Variants in KCNIP1 observed in about 807,000 individuals in gnomAD.
KCNIP1 encodes the protein potassium voltage-gated channel interacting protein 1, also known as A-type potassium channel modulatory protein KCNIP1.
A neutral mutation model predicts 33.0 loss-of-function variants in KCNIP1; 18 were observed. The observed-to-expected ratio is 0.55, with a 90% confidence interval of 0.38 to 0.81. KCNIP1 has a LOEUF of 0.81. Among genes scored for constraint, KCNIP1 ranks in the 30% least tolerant of loss-of-function variants. The pLI, the probability that KCNIP1 is intolerant of heterozygous loss-of-function variation, is 0.00. For missense variants in KCNIP1, 238 were observed against 271.6 expected, an observed-to-expected ratio of 0.88 and a Z score of 0.87; for synonymous variants, 93 against 98.3, an observed-to-expected ratio of 0.95 and a Z score of 0.32.
chr5:170,367,047 G>A (rs919192265), intron 1 of KCNIP1, among the ~76,000 whole-genome samples: 5 of 152,230 alleles, frequency 3.3e-5, no homozygotes, highest in South Asian at 2.1e-4. Context: ...AGTCTGGCAC[G>A]GTGGCTCACG....
intron 1 of KCNIP1, among the ~76,000 whole-genome samples, chr5:170,547,676 C>T (rs773195714): frequency 1.3e-5 from 2 of 152,164 alleles, no homozygotes; most frequent in African/African-American, 2.4e-5. Flanking sequence ...CCTCCAGCTC[C>T]ATCCATGTTC....
At chr5:170,573,362 T>A (rs1342655185) in intron 1 of KCNIP1, among the ~76,000 whole-genome samples, 1 of 152,206 alleles carries the variant, frequency 6.6e-6, no homozygotes, top group Non-Finnish European at 1.5e-5. Flanking sequence ...ATGGTTGCTC[T>A]CCAGGAATGT....
intron 1 of KCNIP1, among the ~76,000 whole-genome samples, chr5:170,374,203 A>G (rs1183245655): frequency 2.0e-5 from 3 of 152,200 alleles, no homozygotes; most frequent in Non-Finnish European, 4.4e-5. Context: ...GTCACAGAAA[A>G]TAAGATTATA....
intron 1 of KCNIP1, among the ~76,000 whole-genome samples, chr5:170,432,825 G>A (rs1452401921): frequency 6.6e-6 from 1 of 152,182 alleles, no homozygotes; most frequent in African/African-American, 2.4e-5. Flanking sequence ...AAACTGTCTA[G>A]TGAGGGTGAC....
At chr5:170,636,017 G>A (rs538865496) in intron 1 of KCNIP1, among the ~76,000 whole-genome samples, 8 of 152,248 alleles carry the variant, frequency 5.3e-5, no homozygotes, top group Non-Finnish European at 1.0e-4. Context: ...AGTTCTCCCA[G>A]ATGTGACTCC....
In KCNIP1 at chr5:170,703,039, G is replaced by A. The variant is rs1022318430; in HGVS notation, c.62-15719G>A. ...AAAGTATAAGGCTGAAATGTACTGG[G>A]CTCAGAACCTATAGGTCTGTTCCAT... On this transcript the variant is annotated intron_variant, in intron 1 of 7. Coordinates refer to ENST00000328939, the MANE Select transcript of KCNIP1 (RefSeq NM_014592.4). Among the ~76,000 whole-genome samples, 3 of 138,042 alleles carry A rather than the reference G, an allele frequency of 2.2e-5. 1 individual carries two copies. In the Admixed American group the frequency reaches 2.4e-4, roughly 11 times the overall value. 90.6% of individuals were successfully genotyped at this position (138,042 alleles called of 152,430 possible).
At chr5:170,469,485 C>T (rs1756676493) in intron 1 of KCNIP1, among the ~76,000 whole-genome samples, 1 of 152,234 alleles carries the variant, frequency 6.6e-6, no homozygotes, top group Non-Finnish European at 1.5e-5. Flanking sequence ...CTCCCTTCCT[C>T]ATCGCCTTTG....
intron 1 of KCNIP1, chr5:170,679,121 A>G (rs2113789411): frequency 6.6e-6 from 1 of 152,308 alleles, no homozygotes; most frequent in Non-Finnish European, 1.5e-5. Flanking sequence ...TGGGATCTGG[A>G]ATGGTAGCGT....
At chr5:170,635,601 T>A (rs1475093553) in intron 1 of KCNIP1, among the ~76,000 whole-genome samples, 1 of 152,246 alleles carries the variant, frequency 6.6e-6, no homozygotes, top group Non-Finnish European at 1.5e-5. Flanking sequence ...TTTCATTTAT[T>A]GCTAAAGGTT....
chr5:170,542,340 C>T (rs1048336140), intron 1 of KCNIP1, among the ~76,000 whole-genome samples: 1 of 152,176 alleles, frequency 6.6e-6, no homozygotes, highest in Non-Finnish European at 1.5e-5. Context: ...TGGCACTGGG[C>T]AGGTTCATCA....
chr5:170,518,527 A>G (rs892886448), intron 1 of KCNIP1, among the ~76,000 whole-genome samples: 8 of 152,244 alleles, frequency 5.3e-5, no homozygotes, highest in Admixed American at 3.3e-4. Flanking sequence ...GAAGGGATGA[A>G]CTTGCAGAAA....
At chr5:170,541,083 A>G (rs1437605893) in intron 1 of KCNIP1, among the ~76,000 whole-genome samples, 1 of 152,216 alleles carries the variant, frequency 6.6e-6, no homozygotes, top group African/African-American at 2.4e-5. Context: ...GCTATGAAGT[A>G]TGAGCTTGAT....
chr5:170,483,166 C>A, intron 1 of KCNIP1: 1 of 420,988 alleles, frequency 2.4e-6, no homozygotes, highest in Non-Finnish European at 4.7e-6. Flanking sequence ...CTCACTCGCC[C>A]TGCCTCTCAT....
intron 1 of KCNIP1, among the ~76,000 whole-genome samples, chr5:170,569,266 C>G (rs1001158403): frequency 6.6e-6 from 1 of 152,248 alleles, no homozygotes; most frequent in Non-Finnish European, 1.5e-5. Flanking sequence ...TGACCCAGGT[C>G]GATGGAGCTC....
At chr5:170,361,180 T>A (rs1763503386) in intron 1 of KCNIP1, among the ~76,000 whole-genome samples, 1 of 152,206 alleles carries the variant, frequency 6.6e-6, no homozygotes, top group Admixed American at 6.5e-5. Context: ...GTTGTCCACC[T>A]GCACCCCACC....
chr5:170,407,436 A>G (rs11954140), intron 1 of KCNIP1, among the ~76,000 whole-genome samples: 10,768 of 152,276 alleles, frequency 0.071, 999 homozygotes, highest in African/African-American at 0.21. Flanking sequence ...CCATAAGTGT[A>G]ACAAAAAAAT....
chr5:170,514,914 G>A (rs922466862), intron 1 of KCNIP1, among the ~76,000 whole-genome samples: 4 of 152,162 alleles, frequency 2.6e-5, no homozygotes, highest in African/African-American at 7.2e-5. Context: ...CACTCTAAGC[G>A]CTTTCGGTAC....
In KCNIP1 at chr5:170,565,542, A is replaced by C. The variant is rs371581841; in HGVS notation, c.61+60909A>C. On this transcript the variant is annotated intron_variant, in intron 1 of 7. Transcript: ENST00000328939. The stretch of plus-strand genomic sequence containing the variant: ...CACTCACAGTTTCTATTTATTACCC[A>C]AAAAAATACATAAGGAAAAATACCT... 3.2e-3 allele frequency among the ~76,000 whole-genome samples: 483 copies of C among 152,298 alleles called. 2 individuals carry two copies. Among genetic ancestry groups the C allele is most frequent in the Non-Finnish European group, 5.9e-3 (401 of 68,020 alleles).
intron 1 of KCNIP1, among the ~76,000 whole-genome samples, chr5:170,445,739 C>G (rs928264224): frequency 6.6e-6 from 1 of 152,198 alleles, no homozygotes; most frequent in African/African-American, 2.4e-5. Context: ...TCTCACTATC[C>G]CCCGCTCCCT....
Sources: allele counts gnomAD v4.1 joint callset (sites outside exome capture counted in the v4.1 genomes callset), GRCh38; gene constraint gnomAD v4.1.1; transcripts MANE v1.5; gene names NCBI Gene and HGNC (gene_info 2026-07-23, HGNC 2026-07-21).